Variants in LPAR5 observed in about 807,000 individuals in gnomAD.
LPAR5 encodes lysophosphatidic acid receptor 5.
For missense variants in LPAR5, 544 were observed against 521.8 expected (o/e 1.04, Z -0.41); for synonymous variants, 271 against 261.6 (o/e 1.04, Z -0.35).
At chr12:6,631,979 CT>C (rs1356611191) in intron 1 of LPAR5, among the ~76,000 whole-genome samples, 1 of 150,816 alleles carries the variant, frequency 6.6e-6, no homozygotes, top group African/African-American at 2.4e-5. Flanking sequence ...GTTTTTTTTT[CT>C]TTTGTTTTTG....
chr12:6,622,894 A>T (rs908544355), intron 1 of LPAR5, among the ~76,000 whole-genome samples: 2 of 152,096 alleles, frequency 1.3e-5, no homozygotes, highest in African/African-American at 4.8e-5. Flanking sequence ...CCTCAAGCCC[A>T]CCACTGCACT....
chr12:6,632,600 C>T (rs1565389341), intron 1 of LPAR5, among the ~76,000 whole-genome samples: 3 of 152,210 alleles, frequency 2.0e-5, no homozygotes, highest in Non-Finnish European at 4.4e-5. Context: ...TATCCAGGCC[C>T]TCCAAACAGA....
At chr12:6,625,781 A>G (rs1476166636) in intron 1 of LPAR5, among the ~76,000 whole-genome samples, 1 of 151,304 alleles carries the variant, frequency 6.6e-6, no homozygotes, top group East Asian at 1.9e-4. Flanking sequence ...ATCTGGCTAT[A>G]ACAAGTTTTT....
At chr12:6,626,231 C>T (rs554282102) in intron 1 of LPAR5, among the ~76,000 whole-genome samples, 17 of 152,172 alleles carry the variant, frequency 1.1e-4, no homozygotes, top group South Asian at 1.0e-3. Context: ...GCTAAGATCG[C>T]GCCACTGCAC....
chr12:6,620,778 G>A lies in LPAR5; in HGVS notation c.471C>T (p.Ala157=). The A allele has an allele frequency of 6.3e-7, 1 of 1,585,656 alleles. No homozygotes were observed. Among genetic ancestry groups the A allele is most frequent in the Non-Finnish European group, 8.6e-7 (1 of 1,166,598 alleles). Residue 157 remains alanine, a synonymous_variant, in exon 2 of 2, where the codon GCC becomes GCT. Coordinates refer to ENST00000329858, the MANE Select transcript of LPAR5 (RefSeq NM_020400.6). The surrounding 1 kb of genome is among the most constrained non-coding windows in gnomAD (Gnocchi z 6.8). The part of the protein sequence containing the change: ...ALILVFAVPA[A]RVHRPSRCRY... The stretch of plus-strand genomic sequence containing the variant: ...GGCAACGCGAGGGCCTGTGCACGCG[G>A]GCGGCGGGCACGGCAAACACCAGGA...
rs558676463 is a variant in LPAR5, at chr12:6,619,858, C to CAG, written c.*271_*272insCT. ...TGCCCACCCAAAGGCATTTCGTCCTCTTCTGCCCTCTGCACGGGTGGGCTC... is the reference window on the plus strand; with the variant it reads ...TGCCCACCCAAAGGCATTTCGTCCTCAGTTCTGCCCTCTGCACGGGTGGGCTC... On this transcript the variant is annotated 3_prime_UTR_variant, in exon 2 of 2. Transcript: ENST00000329858. The CAG allele has an allele frequency of 2.9e-5, 19 of 647,198 alleles. No homozygotes were observed. The highest frequency in any genetic ancestry group is 5.1e-5 in the Non-Finnish European group (18 of 350,840). The allele number at this position is 647,198 out of a possible 1,614,324, so 40.1% of individuals were successfully genotyped here.
chr12:6,626,164 G>A (rs1235233804), intron 1 of LPAR5, among the ~76,000 whole-genome samples: 18 of 152,070 alleles, frequency 1.2e-4, no homozygotes, highest in African/African-American at 3.6e-4. Flanking sequence ...CCAGCTACCC[G>A]GGAGACTGAG....
intron 1 of LPAR5, among the ~76,000 whole-genome samples, chr12:6,629,020 C>T (rs1948964548): frequency 6.7e-6 from 1 of 148,832 alleles, no homozygotes; most frequent in African/African-American, 2.5e-5. Context: ...ATCCGCCTGC[C>T]TTGGCCTCCC....
Position 6,630,469 on chromosome 12 carries a change from T to A in LPAR5, c.-217+5438A>T, listed in dbSNP as rs1476007479. ...TTTTTTTTTTTTTTTTTTTTTTTTT[T>A]TTTGAGACGGAGTCTCCCCGTTGCC... On this transcript the variant is annotated intron_variant, in intron 1 of 1. Coordinates refer to ENST00000329858, the MANE Select transcript of LPAR5 (RefSeq NM_020400.6). Among the ~76,000 whole-genome samples, 12 of 67,570 alleles carry A rather than the reference T, an allele frequency of 1.8e-4. 1 individual carries two copies. In the Admixed American group the frequency reaches 2.3e-3, roughly 13 times the overall value. The allele number at this position is 67,570 out of a possible 152,430, so 44.3% of individuals were successfully genotyped here. A position where few individuals can be genotyped will look rare whatever the true frequency, so the allele number is the denominator to read the frequency against.
intron 1 of LPAR5, among the ~76,000 whole-genome samples, chr12:6,627,826 A>G (rs1193757633): frequency 1.4e-5 from 2 of 145,074 alleles, no homozygotes; most frequent in South Asian, 2.2e-4. Context: ...CACCTCCTAC[A>G]CCCATCCCGC....
chr12:6,622,358 G>C (rs1353690553), intron 1 of LPAR5, among the ~76,000 whole-genome samples: 1 of 150,998 alleles, frequency 6.6e-6, no homozygotes, highest in African/African-American at 2.4e-5. Flanking sequence ...AACCTGGGGG[G>C]TGGAGTTTGC....
intron 1 of LPAR5, among the ~76,000 whole-genome samples, chr12:6,626,256 C>T (rs989044147): frequency 5.9e-5 from 9 of 152,100 alleles, no homozygotes; most frequent in Non-Finnish European, 8.8e-5. Flanking sequence ...GCCTGGGCAA[C>T]AGAGCAAGAC....
At chr12:6,632,540 T>G (rs759093282) in intron 1 of LPAR5, among the ~76,000 whole-genome samples, 6 of 152,170 alleles carry the variant, frequency 3.9e-5, no homozygotes, top group Admixed American at 1.3e-4. Context: ...GCTGGGAGGA[T>G]GCACCCTTTC....
At chr12:6,632,207 G>T (rs1265515403) in intron 1 of LPAR5, among the ~76,000 whole-genome samples, 2 of 152,084 alleles carry the variant, frequency 1.3e-5, no homozygotes, top group Non-Finnish European at 2.9e-5. Flanking sequence ...TCCTGACCTT[G>T]TGATCTGCCT....
chr12:6,627,587 A>G (rs1280862469), intron 1 of LPAR5, among the ~76,000 whole-genome samples: 3 of 152,188 alleles, frequency 2.0e-5, no homozygotes, highest in Admixed American at 1.3e-4. Flanking sequence ...GCGAAACTCC[A>G]TCTCAAAAAA....
intron 1 of LPAR5, among the ~76,000 whole-genome samples, chr12:6,632,567 A>G (rs1278695000): frequency 6.6e-6 from 1 of 152,152 alleles, no homozygotes; most frequent in East Asian, 1.9e-4. Context: ...GACAGGCTTC[A>G]TCATGAAGAC....
chr12:6,623,379 CA>C (rs1318827049), intron 1 of LPAR5, among the ~76,000 whole-genome samples: 2 of 151,994 alleles, frequency 1.3e-5, no homozygotes, highest in East Asian at 3.9e-4. Context: ...ACTAAAAATA[CA>C]AAGATTAGCC....
chr12:6,622,287 GCA>G (rs1948902417), intron 1 of LPAR5, among the ~76,000 whole-genome samples: 6 of 151,512 alleles, frequency 4.0e-5, no homozygotes, highest in Non-Finnish European at 1.5e-5. Flanking sequence ...AATTAGCCTG[GCA>G]TAGGGGCGGG....
chr12:6,623,916 C>T (rs188519291), intron 1 of LPAR5, among the ~76,000 whole-genome samples: 87 of 152,128 alleles, frequency 5.7e-4, no homozygotes, highest in Non-Finnish European at 2.4e-4. Flanking sequence ...GCCGAGATCA[C>T]GCCACTGCAC....
Sources: gnomAD v4.1 joint callset for allele counts (sites outside exome capture counted in the v4.1 genomes callset) on GRCh38, gnomAD v4.1.1 for gene constraint, Gnocchi (gnomAD v3.1) non-coding constraint, MANE v1.5 for transcripts, NCBI Gene and HGNC (gene_info 2026-07-23, HGNC 2026-07-21) for gene names.